MAX: variants seen among roughly 807,000 people sequenced by gnomAD.
The protein encoded by MAX is protein max.
MAX carries 3 observed loss-of-function variants against 22.3 expected under a neutral mutation model. The ratio of observed to expected loss-of-function variants is 0.13; its 90% CI spans 0.06 to 0.35. The LOEUF (loss-of-function observed/expected upper bound fraction) is 0.35, where lower values mean the gene tolerates loss of function less well. MAX is among the 10% of genes least tolerant of loss of function. The probability of loss-of-function intolerance (pLI) is 1.00; values close to 1 mark genes in which losing one functional copy is unlikely to be tolerated. For synonymous variants in MAX, 72 were observed against 77.7 expected, an observed-to-expected ratio of 0.93 and a Z score of 0.39; for missense variants, 119 against 209.4, an observed-to-expected ratio of 0.57 and a Z score of 2.66.
intron 3 of MAX, among the ~76,000 whole-genome samples, chr14:65,050,867 T>C (rs1367745668): frequency 6.6e-6 from 1 of 152,216 alleles, no homozygotes; most frequent in East Asian, 1.9e-4. Flanking sequence ...AAAATAATCT[T>C]AAGCATACAT....
At chr14:65,053,472 G>A (rs1046164296) in intron 3 of MAX, 6 of 852,280 alleles carry the variant, frequency 7.0e-6, no homozygotes, top group Middle Eastern at 3.4e-4. Context: ...CCTGCATAGC[G>A]CTAGGTTGTA....
rs2063147036 is a variant in MAX, at chr14:65,079,400, A to G, written c.172-1364T>C. On this transcript the variant is annotated intron_variant, in intron 3 of 4. Transcript: ENST00000358664. The surrounding 1 kb of genome is among the most constrained non-coding windows in gnomAD (Gnocchi z 4.5). ...CTTGCTAGAGTAAGTTCGTAAGTCAATAACATGGATGTCATGTTACTGTGC... is the reference window on the plus strand; with the variant it reads ...CTTGCTAGAGTAAGTTCGTAAGTCAGTAACATGGATGTCATGTTACTGTGC... Among the ~76,000 whole-genome samples the G allele has an allele frequency of 6.6e-6, 1 of 152,250 alleles. No individual in the cohort carries two copies. Among genetic ancestry groups the G allele is most frequent in the South Asian group, 2.1e-4 (1 of 4,832 alleles).
intron 3 of MAX, chr14:65,016,516 C>G (rs1455560374): frequency 6.6e-6 from 1 of 152,184 alleles, no homozygotes; most frequent in East Asian, 1.9e-4. Context: ...GGATGAGAGA[C>G]TTCTGAGCCA....
chr14:65,076,458 T>G lies in MAX; in HGVS notation c.*18A>C. The G allele has an allele frequency of 1.2e-6, 2 of 1,612,798 alleles. No homozygotes were observed. ...GATGGAGACAGACAGTTTTTATTGC[T>G]GGCCTGCCCCGAGTGGCTTAGCTGG... is the stretch of plus-strand genomic sequence containing the variant. On this transcript the variant is annotated 3_prime_UTR_variant, in exon 5 of 5. Coordinates refer to ENST00000358664, the MANE Select transcript of MAX (RefSeq NM_002382.5). This position sits in a 1 kb window ranked among gnomAD's most constrained non-coding sequence, Gnocchi z 6.6.
At chr14:65,073,262 T>A (rs545227881), downstream of MAX, among the ~76,000 whole-genome samples, 1 of 152,318 alleles carries the variant, frequency 6.6e-6, no homozygotes, top group African/African-American at 2.4e-5. Context: ...AGGCCAAGCA[T>A]AAAACACACA....
chr14:65,061,664 T>A, intron 3 of MAX: 59 of 210,520 alleles, frequency 2.8e-4, no homozygotes, highest in East Asian at 9.1e-4. Context: ...GAGCCACTGC[T>A]GACTCCCACT....
intron 1 of MAX, chr14:65,101,833 C>A: frequency 3.5e-6 from 2 of 574,866 alleles, no homozygotes; most frequent in Non-Finnish European, 3.1e-6. Flanking sequence ...TGTCTCCTCC[C>A]TGCAGACCCA....
chr14:65,064,156 A>T (rs553314994), intron 3 of MAX, among the ~76,000 whole-genome samples: 4 of 152,294 alleles, frequency 2.6e-5, no homozygotes, highest in African/African-American at 9.6e-5. Flanking sequence ...TCTTGGTATT[A>T]TTGAGCATTC....
chr14:65,082,127 A>G lies in MAX; in HGVS notation c.172-4091T>C, dbSNP rs530174309. 9 of 152,296 alleles carry G rather than the reference A, an allele frequency of 5.9e-5. No individual in the cohort carries two copies. In the South Asian group the frequency reaches 1.2e-3, roughly 21 times the overall value. The allele number at this position is 152,296 out of a possible 1,614,324, so 9.4% of individuals were successfully genotyped here. On this transcript the variant is annotated intron_variant, in intron 3 of 4. Transcript: ENST00000358664. The surrounding 1 kb of genome is among the most constrained non-coding windows in gnomAD (Gnocchi z 4.8). ...GAGACACAGAGCTGTAATTTACCCAATGTTATGTAAACTAATAGGAAGTTG... is the reference window on the plus strand; with the variant it reads ...GAGACACAGAGCTGTAATTTACCCAGTGTTATGTAAACTAATAGGAAGTTG...
At position 65,032,710 on chromosome 14, in the gene MAX, G is replaced by C. The variant is rs748420900; in HGVS notation, c.172-26426C>G. ...ATGGATAGCAAGGTGAGAGAAGCCA[G>C]GGTTTCTCCTGGCCTCTTGGAGAGC... On this transcript the variant is annotated intron_variant, in intron 3 of 3. Transcript: ENST00000341653. This position sits in a 1 kb window ranked among gnomAD's most constrained non-coding sequence, Gnocchi z 5.0. 8 of 1,612,350 alleles carry C rather than the reference G, an allele frequency of 5.0e-6. No homozygotes were observed. In the South Asian group the frequency reaches 8.8e-5, roughly 18 times the overall value.
intron 2 of MAX, among the ~76,000 whole-genome samples, chr14:65,100,218 G>A (rs1013838776): frequency 1.4e-4 from 21 of 151,650 alleles, no homozygotes; most frequent in Admixed American, 3.9e-4. Context: ...TTGGGAGGCC[G>A]AGGCTGGCAG....
At chr14:65,052,027 C>T (rs567521378) in intron 3 of MAX, among the ~76,000 whole-genome samples, 2 of 152,218 alleles carry the variant, frequency 1.3e-5, no homozygotes, top group East Asian at 3.9e-4. Context: ...GATCTCCTGA[C>T]CTCGTGATCA....
rs200008673 is a variant in MAX at position 65,044,489 on chromosome 14, A to G, written c.172-38205T>C. ...ACTTGGGGCTGGATGATTTCCCTCC[A>G]CTACTCACAAAGTCTGGAAGCCCAG... On this transcript the variant is annotated intron_variant, in intron 3 of 3. Coordinates refer to the MAX transcript ENST00000341653. This position sits in a 1 kb window ranked among gnomAD's most constrained non-coding sequence, Gnocchi z 5.5. The G allele has an allele frequency of 2.5e-6, 4 of 1,572,360 alleles. No homozygotes were observed. Among genetic ancestry groups the G allele is most frequent in the Non-Finnish European group, 3.4e-6 (4 of 1,164,252 alleles).
chr14:65,071,793 T>C (rs958062114), downstream of MAX, among the ~76,000 whole-genome samples: 24 of 152,192 alleles, frequency 1.6e-4, no homozygotes, highest in African/African-American at 5.5e-4. The surrounding 1 kb of genome is among the most constrained non-coding windows in gnomAD (Gnocchi z 4.2). Context: ...AGGACAACAC[T>C]TACCAGCAGG....
In MAX at chr14:65,010,662, C is replaced by A. The variant is rs147189394; in HGVS notation, c.172-4378G>T. 3.4e-3 allele frequency among the ~76,000 whole-genome samples: 525 copies of A among 152,314 alleles called. 4 individuals are homozygous for A. Among genetic ancestry groups the A allele is most frequent in the African/African-American group, 0.012 (496 of 41,558 alleles). The stretch of plus-strand genomic sequence containing the variant: ...AAAGCACAGTTCTGATCATTTCTTT[C>A]CTCATCTCAAAAACCTTCAGGACTT... On this transcript the variant is annotated intron_variant, in intron 3 of 3. Coordinates refer to the MAX transcript ENST00000341653.
In MAX at chr14:65,037,403, C is replaced by CTTT. The variant is rs1555335876; in HGVS notation, c.172-31122_172-31120dup. Among the ~76,000 whole-genome samples the CTTT allele has an allele frequency of 1.2e-3, 35 of 29,644 alleles. 2 individuals are homozygous for CTTT. Among genetic ancestry groups the CTTT allele is most frequent in the Admixed American group, 2.1e-3 (5 of 2,366 alleles). 19.4% of individuals were successfully genotyped at this position (29,644 alleles called of 152,430 possible). A position where few individuals can be genotyped will look rare whatever the true frequency, so the allele number is the denominator to read the frequency against. On this transcript the variant is annotated intron_variant, in intron 3 of 3. Transcript: ENST00000341653. ...TAGGCGTGAGCCACCACGCCGGGCC[C>CTTT]TTTTTTTTTTTTTTTTTTTTTTTTT...
At position 65,076,492 on chromosome 14, in the gene MAX, C is replaced by T. The variant is rs876659544; in HGVS notation, c.467G>A (p.Arg156Gln). 9 of 1,613,532 alleles carry T rather than the reference C, an allele frequency of 5.6e-6. No homozygotes were observed. Among genetic ancestry groups the T allele is most frequent in the Non-Finnish European group, 3.4e-6 (4 of 1,179,994 alleles). Reference protein sequence around the residue: ...PEEPQSRKKLRMEAS With the variant: ...PEEPQSRKKLQMEAS ...CCGAGTGGCTTAGCTGGCCTCCATC[C>T]GGAGCTTCTTCCTGCTTTGGGGCTC... Residue 156 changes from arginine (R) to glutamine (Q), a missense_variant, in exon 5 of 5, where the codon CGG (arginine) becomes CAG (glutamine). This residue lies in a region of MAX where 95 missense variants were observed against 148.1 expected (regional missense o/e 0.64). Coordinates refer to ENST00000358664, the MANE Select transcript of MAX (RefSeq NM_002382.5). The surrounding 1 kb of genome is among the most constrained non-coding windows in gnomAD (Gnocchi z 6.6).
Position 65,076,485 on chromosome 14 carries a change from C to T in MAX, c.474G>A (p.Glu158=), listed in dbSNP as rs2139739111. Residue 158 remains glutamate (E), a synonymous_variant, in exon 5 of 5, where the codon GAG becomes GAA. Transcript: ENST00000358664. This position sits in a 1 kb window ranked among gnomAD's most constrained non-coding sequence, Gnocchi z 6.6. ...GCCTGCCCCGAGTGGCTTAGCTGGC[C>T]TCCATCCGGAGCTTCTTCCTGCTTT... ...EPQSRKKLRM[E]AS The T allele has an allele frequency of 1.2e-6, 2 of 1,613,412 alleles. No individual in the cohort carries two copies. Among genetic ancestry groups the T allele is most frequent in the Non-Finnish European group, 1.7e-6 (2 of 1,180,020 alleles).
At chr14:65,085,889 G>C (rs1390421306) in intron 3 of MAX, among the ~76,000 whole-genome samples, 5 of 152,150 alleles carry the variant, frequency 3.3e-5, no homozygotes, top group Non-Finnish European at 7.3e-5. Flanking sequence ...AAACAGAAGA[G>C]GGGTTGATAT....
Sources: gnomAD v4.1 joint callset for allele counts (sites outside exome capture counted in the v4.1 genomes callset) on GRCh38, gnomAD v4.1.1 for gene constraint, gnomAD v4.1.1 regional missense constraint, Gnocchi (gnomAD v3.1) non-coding constraint, MANE v1.5 for transcripts, NCBI Gene and HGNC (gene_info 2026-07-23, HGNC 2026-07-21) for gene names.